Variants in RCN2 observed in about 807,000 individuals in gnomAD.
RCN2 encodes the protein reticulocalbin 2.
RCN2 carries 23 observed loss-of-function variants against 37.5 expected under a neutral mutation model. That is an observed-to-expected ratio of 0.61 (90% CI 0.44 to 0.87). RCN2 has a LOEUF of 0.87. Ranked by LOEUF, RCN2 falls within the 40% of genes least tolerant of loss-of-function variation. RCN2 has a pLI of 0.00. For missense variants in RCN2, 381 were observed against 390.4 expected (o/e 0.98, Z 0.20); for synonymous variants, 140 against 144.6 (o/e 0.97, Z 0.23).
chr15:76,945,657 C>A (rs2075293907), intron 4 of RCN2, among the ~76,000 whole-genome samples: 1 of 152,200 alleles, frequency 6.6e-6, no homozygotes, highest in Non-Finnish European at 1.5e-5. Context: ...TGTTGCATGA[C>A]ATCAGCCTCC....
At chr15:76,949,049 C>T in intron 6 of RCN2, 21 bp from the exon 7 acceptor site, 2 of 1,579,334 alleles carry the variant, frequency 1.3e-6, no homozygotes, top group Non-Finnish European at 1.7e-6. Context: ...ACACTTGACA[C>T]TTTTTTGTTT....
chr15:76,943,457 G>T, intron 3 of RCN2: 1 of 236,924 alleles, frequency 4.2e-6, no homozygotes, highest in Admixed American at 5.2e-5. Context: ...CATCCCAATT[G>T]CTTATTAGAG....
Position 76,949,238 on chromosome 15 carries a change from C to T in RCN2, c.*16C>T. The T allele has an allele frequency of 1.9e-6, 3 of 1,554,246 alleles. No homozygotes were observed. The highest frequency in any genetic ancestry group is 2.4e-5 in the South Asian group (2 of 83,976). Reference sequence around the variant, plus strand: ...TGAGCTTTAATCTCTGAGCCTGTCTCAGTAGAGTACTGGCTCCTTTTATAA... The same window carrying T: ...TGAGCTTTAATCTCTGAGCCTGTCTTAGTAGAGTACTGGCTCCTTTTATAA... On this transcript the variant is annotated 3_prime_UTR_variant, in exon 7 of 7. Coordinates refer to ENST00000394885, the MANE Select transcript of RCN2 (RefSeq NM_002902.3).
Position 76,951,157 on chromosome 15 carries a change from T to A in RCN2, c.*1935T>A, listed in dbSNP as rs2075319060. ...CCAGAATAGATCATCAGATATGGAT[T>A]ATATTTCAATCCTTTGCAGAAATGC... On this transcript the variant is annotated 3_prime_UTR_variant, in exon 7 of 7. Transcript: ENST00000394885. 6.6e-6 allele frequency: 1 copy of A among 152,282 alleles called. No individual in the cohort carries two copies. The highest frequency in any genetic ancestry group is 3.2e-3 in the Middle Eastern group (1 of 316). 9.4% of individuals were successfully genotyped at this position (152,282 alleles called of 1,614,324 possible).
In RCN2 at chr15:76,953,584, TATATA is replaced by T. The variant is rs2075332899; in HGVS notation, c.*4363_*4367del. ...ATATATATATATATATATATATATA[TATATA>T]TATATTTTTTTTTTTTTTTTTTTTT... On this transcript the variant is annotated 3_prime_UTR_variant, in exon 7 of 7. Coordinates refer to ENST00000394885, the MANE Select transcript of RCN2 (RefSeq NM_002902.3). 10 of 23,228 alleles carry T rather than the reference TATATA, an allele frequency of 4.3e-4. No individual in the cohort carries two copies. The highest frequency in any genetic ancestry group is 8.1e-4 in the Non-Finnish European group (9 of 11,052). The allele number at this position is 23,228 out of a possible 1,614,324, so 1.4% of individuals were successfully genotyped here.
At chr15:76,932,095 T>A in intron 1 of RCN2, 110 bp downstream of exon 1, 1 of 1,077,786 alleles carries the variant, frequency 9.3e-7, no homozygotes, top group Non-Finnish European at 1.2e-6. Flanking sequence ...AGGGGCGGCC[T>A]GACAATGGGG....
chr15:76,945,221 TTC>T (rs2075292233), intron 4 of RCN2, among the ~76,000 whole-genome samples: 1 of 152,240 alleles, frequency 6.6e-6, no homozygotes, highest in Non-Finnish European at 1.5e-5. Context: ...TCAGGCTATT[TTC>T]TCTCATAACT....
chr15:76,938,200 AC>A (rs2075261203), intron 3 of RCN2, among the ~76,000 whole-genome samples: 1 of 152,190 alleles, frequency 6.6e-6, no homozygotes, highest in Non-Finnish European at 1.5e-5. Context: ...CTGTTTCTTA[AC>A]TTATCCTGTT....
At chr15:76,941,575 C>G in intron 3 of RCN2, 2 of 933,426 alleles carry the variant, frequency 2.1e-6, no homozygotes, top group Non-Finnish European at 3.2e-6. Flanking sequence ...TTTTTATATA[C>G]AAGAAAAAAA....
Position 76,943,841 on chromosome 15 carries a change from T to G in RCN2, c.531T>G (p.Phe177Leu). 1 of 1,607,646 alleles carries G rather than the reference T, an allele frequency of 6.2e-7. No homozygotes were observed. The highest frequency in any genetic ancestry group is 8.5e-7 in the Non-Finnish European group (1 of 1,174,738). The change falls in exon 4 of 7, where the codon TTT becomes TTG. Residue 177 changes from phenylalanine to leucine, a missense_variant. Transcript: ENST00000394885. ...PGLSLEEFIA[F>L]EHPEEVDYMT... ...TGAGTCTTGAAGAATTTATTGCTTT[T>G]GAGCATCCTGAAGAAGTTGATTATA...
rs1203011674 is a variant in RCN2 at position 76,931,790 on chromosome 15, C to A, written c.-52C>A. The A allele has an allele frequency of 2.9e-5, 35 of 1,190,404 alleles. No individual in the cohort carries two copies. The highest frequency in any genetic ancestry group is 3.5e-5 in the Non-Finnish European group (34 of 960,144). The allele number at this position is 1,190,404 out of a possible 1,614,324, so 73.7% of individuals were successfully genotyped here. A position where few individuals can be genotyped will look rare whatever the true frequency, so the allele number is the denominator to read the frequency against. ...GCGGAGCATCGCAGCCGGCCCGGGC[C>A]CCCGCCAGCCTCCCTCCTCGCGTCC... On this transcript the variant is annotated 5_prime_UTR_variant, in exon 1 of 7. Coordinates refer to ENST00000394885, the MANE Select transcript of RCN2 (RefSeq NM_002902.3).
chr15:76,948,223 G>C (rs1355608810), intron 5 of RCN2, 187 bp from the exon 6 acceptor site: 2 of 415,304 alleles, frequency 4.8e-6, no homozygotes, highest in Non-Finnish European at 8.5e-6. Context: ...GTTTAGACTC[G>C]TGTCACTTTT....
intron 3 of RCN2, chr15:76,938,611 C>A (rs534116231): frequency 2.2e-5 from 9 of 413,858 alleles, no homozygotes; most frequent in African/African-American, 1.4e-4. Flanking sequence ...ACACCCCATT[C>A]CCTCCTTGGT....
chr15:76,931,893 G>A lies in RCN2; in HGVS notation c.52G>A (p.Ala18Thr), dbSNP rs1218154393. ...AALGLLLLCA[A>T]AAGAGKAEEL... ...GTTGGGGCTGCTGCTGCTGTGCGCC[G>A]CCGCGGCCGGCGCCGGCAAGGCCGA... is the stretch of plus-strand genomic sequence containing the variant. Residue 18 changes from alanine (A) to threonine (T), a missense_variant, in exon 1 of 7, where the codon GCC (alanine) becomes ACC (threonine). By Grantham distance (58) the Ala-to-Thr change is moderately conservative. Coordinates refer to ENST00000394885, the MANE Select transcript of RCN2 (RefSeq NM_002902.3). 7.6e-7 allele frequency: 1 copy of A among 1,318,928 alleles called. No individual in the cohort carries two copies. The allele number at this position is 1,318,928 out of a possible 1,614,324, so 81.7% of individuals were successfully genotyped here. A position where few individuals can be genotyped will look rare whatever the true frequency, so the allele number is the denominator to read the frequency against.
chr15:76,948,641 A>G, intron 6 of RCN2, 89 bp downstream of exon 6: 1 of 1,317,908 alleles, frequency 7.6e-7, no homozygotes, highest in Non-Finnish European at 1.0e-6. Context: ...ATCTTAAGCC[A>G]AAGAAAGAAG....
At position 76,931,788 on chromosome 15, in the gene RCN2, GC is replaced by G; in HGVS notation, c.-49del. 1 of 1,186,944 alleles carries G rather than the reference GC, an allele frequency of 8.4e-7. No homozygotes were observed. The highest frequency in any genetic ancestry group is 1.0e-6 in the Non-Finnish European group (1 of 957,516). The allele number at this position is 1,186,944 out of a possible 1,614,324, so 73.5% of individuals were successfully genotyped here. A position where few individuals can be genotyped will look rare whatever the true frequency, so the allele number is the denominator to read the frequency against. The stretch of plus-strand genomic sequence containing the variant: ...CCGCGGAGCATCGCAGCCGGCCCGG[GC>G]CCCCGCCAGCCTCCCTCCTCGCGTC... On this transcript the variant is annotated 5_prime_UTR_variant, in exon 1 of 7. Transcript: ENST00000394885.
chr15:76,935,399 C>A, intron 2 of RCN2, 127 bp from the exon 3 acceptor site: 1 of 662,572 alleles, frequency 1.5e-6, no homozygotes, highest in Non-Finnish European at 2.6e-6. Flanking sequence ...TCTATTAATA[C>A]AACTAGGCCA....
intron 2 of RCN2, among the ~76,000 whole-genome samples, chr15:76,935,248 G>A (rs961310738): frequency 3.9e-5 from 6 of 152,078 alleles, no homozygotes; most frequent in Admixed American, 6.5e-5. Flanking sequence ...CGTTTGAACC[G>A]GGAGGCAGAG....
At chr15:76,945,266 T>C (rs917702511) in intron 4 of RCN2, among the ~76,000 whole-genome samples, 1 of 152,242 alleles carries the variant, frequency 6.6e-6, no homozygotes, top group Non-Finnish European at 1.5e-5. Context: ...TATCCTTTTG[T>C]AGCTTTCAGA....
Sources: allele counts gnomAD v4.1 joint callset (sites outside exome capture counted in the v4.1 genomes callset), GRCh38; gene constraint gnomAD v4.1.1; transcripts MANE v1.5; gene names NCBI Gene and HGNC (gene_info 2026-07-23, HGNC 2026-07-21).